DACH2: variants seen among roughly 807,000 people sequenced by gnomAD.
The protein encoded by DACH2 is dachshund homolog 2.
A neutral mutation model predicts 35.8 loss-of-function variants in DACH2; 17 were observed. That is an observed-to-expected ratio of 0.48 (90% CI 0.33 to 0.71). The LOEUF (loss-of-function observed/expected upper bound fraction) is 0.71. Among genes scored for constraint, DACH2 ranks in the 30% least tolerant of loss-of-function variants. DACH2 has a pLI of 0.02. For synonymous variants in DACH2, 195 were observed against 177.3 expected (o/e 1.10, Z -0.79); for missense variants, 469 against 472.7 (o/e 0.99, Z 0.07).
At chrX:86,293,491 G>T (rs987668151) in intron 1 of DACH2, among the ~76,000 whole-genome samples, 1 of 107,920 alleles carries the variant, frequency 9.3e-6, no homozygotes, top group African/African-American at 3.4e-5. Context: ...TATTTTGCTT[G>T]TTAGTTGATG....
intron 7 of DACH2, among the ~76,000 whole-genome samples, chrX:86,794,290 G>T (rs1224119367): frequency 9.1e-6 from 1 of 110,145 alleles, no homozygotes; most frequent in Non-Finnish European, 1.9e-5. Context: ...AGTACTAATG[G>T]GAATGTCAGT....
intron 3 of DACH2, among the ~76,000 whole-genome samples, chrX:86,584,913 T>C (rs1289467090): frequency 1.8e-5 from 2 of 111,104 alleles, no homozygotes; most frequent in East Asian, 5.6e-4. Flanking sequence ...ATATTTGATT[T>C]TCCGTTACTG....
intron 2 of DACH2, among the ~76,000 whole-genome samples, chrX:86,464,741 G>C (rs929223813): frequency 9.0e-6 from 1 of 111,176 alleles, no homozygotes; most frequent in African/African-American, 3.3e-5. Context: ...AAATATCTGA[G>C]GTAATAGGTA....
At chrX:86,807,968 C>T (rs944156968) in intron 7 of DACH2, among the ~76,000 whole-genome samples, 10 of 111,682 alleles carry the variant, frequency 9.0e-5, no homozygotes, top group African/African-American at 2.6e-4. Flanking sequence ...CCTAATATCA[C>T]GTGGAAGTTC....
chrX:86,328,343 G>A (rs1024779167), intron 1 of DACH2, among the ~76,000 whole-genome samples: 2 of 111,161 alleles, frequency 1.8e-5, no homozygotes, highest in Non-Finnish European at 1.9e-5. Flanking sequence ...TCTCATTGGG[G>A]GAGTCATTCA....
chrX:86,294,899 G>T (rs1333162985), intron 1 of DACH2, among the ~76,000 whole-genome samples: 1 of 110,563 alleles, frequency 9.0e-6, no homozygotes, highest in African/African-American at 3.3e-5. Flanking sequence ...GCCCCCAGAG[G>T]TGGAGCCTAC....
intron 4 of DACH2, among the ~76,000 whole-genome samples, chrX:86,656,376 A>G (rs928081939): frequency 9.0e-6 from 1 of 111,161 alleles, no homozygotes; most frequent in African/African-American, 3.3e-5. Flanking sequence ...CATACTACAG[A>G]TGATGTTTGA....
chrX:86,640,414 G>A (rs1029001213), intron 3 of DACH2, among the ~76,000 whole-genome samples: 1 of 111,534 alleles, frequency 9.0e-6, no homozygotes, highest in Admixed American at 9.6e-5. Flanking sequence ...CAACTCTCAC[G>A]GTTCATAACC....
At chrX:86,257,916 T>C (rs1291470834) in intron 1 of DACH2, among the ~76,000 whole-genome samples, 1 of 111,901 alleles carries the variant, frequency 8.9e-6, no homozygotes, top group Non-Finnish European at 1.9e-5. Flanking sequence ...CTAGTTAGTT[T>C]GGTTAGAATC....
chrX:86,547,524 AACACACACACACACACACACACACACAC>A (rs751559427), intron 3 of DACH2, among the ~76,000 whole-genome samples: 20 of 90,850 alleles, frequency 2.2e-4, no homozygotes, highest in Non-Finnish European at 4.4e-4. Context: ...CGTGCTGCAG[AACACACACACACACACACACACACACAC>A]ACACACACAC....
chrX:86,516,168 A>G (rs1287306295), intron 3 of DACH2, among the ~76,000 whole-genome samples: 2 of 112,009 alleles, frequency 1.8e-5, no homozygotes, highest in Non-Finnish European at 1.9e-5. Flanking sequence ...AGCCCTGTGC[A>G]TATAAATGAA....
chrX:86,181,198 A>T (rs2031481830), intron 1 of DACH2, among the ~76,000 whole-genome samples: 1 of 107,567 alleles, frequency 9.3e-6, no homozygotes, highest in South Asian at 4.1e-4. Flanking sequence ...CTATTTTTCA[A>T]ATTATACTTT....
intron 7 of DACH2, among the ~76,000 whole-genome samples, chrX:86,741,706 C>T (rs1433234492): frequency 2.7e-5 from 3 of 111,554 alleles, no homozygotes; most frequent in Non-Finnish European, 3.8e-5. Context: ...CAAAAGGACA[C>T]ATTCTTCTGT....
chrX:86,644,213 C>T (rs180790095), intron 3 of DACH2, among the ~76,000 whole-genome samples: 2 of 111,424 alleles, frequency 1.8e-5, no homozygotes, highest in African/African-American at 6.5e-5. Context: ...TGACACATAA[C>T]TTCAGCAAAG....
chrX:86,683,277 A>G (rs771259303), intron 4 of DACH2, among the ~76,000 whole-genome samples: 8 of 111,213 alleles, frequency 7.2e-5, no homozygotes, highest in African/African-American at 2.6e-4. Context: ...TCTTCTTTTA[A>G]GAAGTCCTAG....
At chrX:86,359,517 G>A (rs993559444) in intron 1 of DACH2, among the ~76,000 whole-genome samples, 1 of 111,791 alleles carries the variant, frequency 8.9e-6, no homozygotes, top group Non-Finnish European at 1.9e-5. Context: ...GGAGGCCAAG[G>A]CCAAAGGATT....
chrX:86,183,210 C>A (rs1266176969), intron 1 of DACH2, among the ~76,000 whole-genome samples: 1 of 111,866 alleles, frequency 8.9e-6, no homozygotes, highest in African/African-American at 3.3e-5. Flanking sequence ...ACTTCCAATA[C>A]TATGTTGATA....
At chrX:86,487,100 T>C (rs764379889) in intron 2 of DACH2, among the ~76,000 whole-genome samples, 6 of 111,678 alleles carry the variant, frequency 5.4e-5, no homozygotes, top group Non-Finnish European at 1.1e-4. Context: ...CTATTATTTT[T>C]TAAAGTAGAG....
chrX:86,355,546 T>G (rs2035629022), intron 1 of DACH2, among the ~76,000 whole-genome samples: 1 of 111,051 alleles, frequency 9.0e-6, no homozygotes, highest in African/African-American at 3.3e-5. Context: ...TTTATTCATT[T>G]AGAGACAGGA....
Sources: allele counts gnomAD v4.1 joint callset (sites outside exome capture counted in the v4.1 genomes callset), GRCh38; gene constraint gnomAD v4.1.1; transcripts MANE v1.5; gene names NCBI Gene and HGNC (gene_info 2026-07-23, HGNC 2026-07-21).